Variants in VPS13C observed in about 807,000 individuals in gnomAD.
The protein encoded by VPS13C is vacuolar protein sorting 13 homolog C.
A neutral mutation model predicts 456.8 loss-of-function variants in VPS13C; 358 were observed. That is an observed-to-expected ratio of 0.78 (90% CI 0.72 to 0.86). The LOEUF is 0.86. VPS13C is among the 40% of genes least tolerant of loss of function. The probability of loss-of-function intolerance (pLI) is 0.00; values close to 1 mark genes in which losing one functional copy is unlikely to be tolerated. For synonymous variants in VPS13C, 1,578 were observed against 1,486.7 expected, an observed-to-expected ratio of 1.06 and a Z score of -1.41; for missense variants, 4,818 against 4,385.4, an observed-to-expected ratio of 1.10 and a Z score of -2.79.
chr15:61,968,816 G>A (rs562417122), intron 28 of VPS13C, among the ~76,000 whole-genome samples: 1 of 151,968 alleles, frequency 6.6e-6, no homozygotes, highest in Non-Finnish European at 1.5e-5. Flanking sequence ...AAAGAACAAG[G>A]CCTTCAATAA....
chr15:61,987,931 G>A lies in VPS13C; in HGVS notation c.1579-2932C>T, dbSNP rs903114157. 2.6e-5 allele frequency among the ~76,000 whole-genome samples: 4 copies of A among 152,056 alleles called. No homozygotes were observed. The East Asian group carries it at 7.7e-4, about 29-fold the overall frequency. On this transcript the variant is annotated intron_variant, in intron 18 of 84. Transcript: ENST00000644861. Reference sequence around the variant, plus strand: ...ATATCTCCACCAAAGACTTGTACAAGTATGTTCATAGCAGTGTTATCTGTA... The same window carrying A: ...ATATCTCCACCAAAGACTTGTACAAATATGTTCATAGCAGTGTTATCTGTA...
At chr15:62,041,199 C>G in intron 3 of VPS13C, 125 bp downstream of exon 3, 2 of 889,660 alleles carry the variant, frequency 2.2e-6, no homozygotes, top group Non-Finnish European at 3.5e-6. Flanking sequence ...TCTACGAGCT[C>G]TAATTAATGA....
At chr15:61,866,623 T>A (rs1417167819) in intron 81 of VPS13C, 1 of 985,064 alleles carries the variant, frequency 1.0e-6, no homozygotes, top group African/African-American at 1.7e-5. Flanking sequence ...GTGACATTTT[T>A]GCCAATGCTA....
intron 9 of VPS13C, among the ~76,000 whole-genome samples, chr15:62,019,635 T>C (rs1471061318): frequency 6.6e-6 from 1 of 152,152 alleles, no homozygotes; most frequent in African/African-American, 2.4e-5. Flanking sequence ...CTAGTTTGAT[T>C]GCACTGTGGT....
intron 2 of VPS13C, among the ~76,000 whole-genome samples, chr15:62,042,785 A>T (rs1353960744): frequency 2.6e-5 from 4 of 152,106 alleles, no homozygotes; most frequent in African/African-American, 9.7e-5. Context: ...TACAGGGGGA[A>T]GGGATAGCAT....
At chr15:62,013,267 G>T in intron 10 of VPS13C, 148 bp from the exon 11 acceptor site, 1 of 514,470 alleles carries the variant, frequency 1.9e-6, no homozygotes, top group South Asian at 3.8e-5. Context: ...AAAAATGAGG[G>T]GAAAATATAT....
intron 66 of VPS13C, among the ~76,000 whole-genome samples, chr15:61,902,110 TGTG>T (rs1436305281): frequency 1.2e-5 from 1 of 83,416 alleles, no homozygotes; most frequent in African/African-American, 5.0e-5. Flanking sequence ...TGGGGACTGT[TGTG>T]GGGTGGGGGG....
In VPS13C at chr15:61,953,540, C is replaced by A. The variant is rs559181805; in HGVS notation, c.4299+881G>T. Among the ~76,000 whole-genome samples, 12 of 152,110 alleles carry A rather than the reference C, an allele frequency of 7.9e-5. No individual in the cohort carries two copies. In the South Asian group the frequency reaches 2.5e-3, roughly 32 times the overall value. ...TACTGAGAATGATGATTTCCAATTT[C>A]ATCCATGTCCCTAAAAAGGACATGA... On this transcript the variant is annotated intron_variant, in intron 38 of 84. Transcript: ENST00000644861.
rs772808426 is a variant in VPS13C, at chr15:61,963,895, T to C, written c.3271A>G (p.Asn1091Asp). 6.2e-6 allele frequency: 10 copies of C among 1,612,558 alleles called. No individual in the cohort carries two copies. Among genetic ancestry groups the C allele is most frequent in the Admixed American group, 1.7e-5 (1 of 59,916 alleles). Residue 1091 changes from asparagine (N) to aspartate (D), a missense_variant, in exon 32 of 85, where the codon AAT becomes GAT. By Grantham distance (23) the Asn-to-Asp change is conservative. Coordinates refer to ENST00000644861, the MANE Select transcript of VPS13C (RefSeq NM_020821.3). ...TTGCAAACAATGACACAGAAAGCAT[T>C]CAACTTGGCAAATAGCCTGAAATCA... is the stretch of plus-strand genomic sequence containing the variant. ...IIDFRLFAKLNAFCVIVCNEK... is the reference protein window; with the variant it reads ...IIDFRLFAKLDAFCVIVCNEK...
At chr15:61,974,862 A>C (rs1322093486) in intron 24 of VPS13C, among the ~76,000 whole-genome samples, 2 of 152,112 alleles carry the variant, frequency 1.3e-5, no homozygotes, top group Admixed American at 1.3e-4. Context: ...CTCTGATTAA[A>C]ATGTCAGCTC....
At chr15:61,885,458 C>CA (rs982866986) in intron 67 of VPS13C, among the ~76,000 whole-genome samples, 1 of 152,050 alleles carries the variant, frequency 6.6e-6, no homozygotes, top group Non-Finnish European at 1.5e-5. Flanking sequence ...GCCCAGAACT[C>CA]AAAGAGTACA....
chr15:61,985,616 G>A (rs966140197), intron 18 of VPS13C, among the ~76,000 whole-genome samples: 1 of 152,272 alleles, frequency 6.6e-6, no homozygotes, highest in Non-Finnish European at 1.5e-5. Flanking sequence ...GTGGCATAAA[G>A]ATTCAATTCA....
Position 61,865,339 on chromosome 15 carries a change from G to A in VPS13C, c.10864-1811C>T, listed in dbSNP as rs931920495. ...ATAATTTAATGTCATGAATTAAGAC[G>A]AGATAAAAACACAATGTAATGTCAC... On this transcript the variant is annotated intron_variant, in intron 81 of 84. Coordinates refer to ENST00000644861, the MANE Select transcript of VPS13C (RefSeq NM_020821.3). The A allele has an allele frequency of 8.2e-6, 8 of 977,566 alleles. No homozygotes were observed. The East Asian group carries it at 3.4e-4, about 42-fold the overall frequency. 60.6% of individuals were successfully genotyped at this position (977,566 alleles called of 1,614,324 possible).
Position 62,020,417 on chromosome 15 carries a change from C to T in VPS13C, c.684+62G>A. 2.1e-6 allele frequency: 3 copies of T among 1,405,484 alleles called. No individual in the cohort carries two copies. The South Asian group carries it at 4.1e-5, about 19-fold the overall frequency. The allele number at this position is 1,405,484 out of a possible 1,614,324, so 87.1% of individuals were successfully genotyped here. A position where few individuals can be genotyped will look rare whatever the true frequency, so the allele number is the denominator to read the frequency against. ...GCATAGTTGATTCTAGACAATTTAC[C>T]CTGTGACTTCAGAATAATACTTTAC... On this transcript the variant is annotated intron_variant, in intron 9 of 84. Transcript: ENST00000644861.
At chr15:61,908,850 G>T in intron 65 of VPS13C, 142 bp downstream of exon 65, 1 of 920,008 alleles carries the variant, frequency 1.1e-6, no homozygotes, top group South Asian at 2.1e-5. Flanking sequence ...CTCAAAACAT[G>T]TAAGGGTATT....
chr15:62,020,276 T>TGTATTTGA (rs1351184980), intron 9 of VPS13C, among the ~76,000 whole-genome samples: 6 of 151,964 alleles, frequency 3.9e-5, no homozygotes, highest in African/African-American at 1.4e-4. Flanking sequence ...TTGATACCTG[T>TGTATTTGA]TACACAGAAA....
At chr15:61,874,783 T>C in intron 77 of VPS13C, 93 bp downstream of exon 77, 1 of 1,167,196 alleles carries the variant, frequency 8.6e-7, no homozygotes, top group Non-Finnish European at 1.2e-6. Context: ...TGATCCCTCC[T>C]TTATTAAATA....
intron 16 of VPS13C, among the ~76,000 whole-genome samples, chr15:61,996,844 G>C (rs1309004909): frequency 6.8e-6 from 1 of 146,806 alleles, no homozygotes; most frequent in Non-Finnish European, 1.5e-5. Flanking sequence ...AAAAAATGAT[G>C]AACAGAGCAC....
chr15:61,945,755 A>G lies in VPS13C; in HGVS notation c.5108T>C (p.Ile1703Thr), dbSNP rs781023840. 18 of 1,608,982 alleles carry G rather than the reference A, an allele frequency of 1.1e-5. No homozygotes were observed. The highest frequency in any genetic ancestry group is 1.4e-5 in the Non-Finnish European group (16 of 1,178,354). The change falls in exon 45 of 85, where the codon ATT becomes ACT. Residue 1703 changes from isoleucine (I) to threonine (T), a missense_variant. By Grantham distance (89) the Ile-to-Thr change is moderately conservative (BLOSUM62 -1). Around this residue, in one of 3 missense-constraint regions of VPS13C, gnomAD observed 4,552 missense variants for 4,130.6 expected, o/e 1.10. Transcript: ENST00000644861. ...DGKLSFKVGC[I>T]QIVYVHKFFM... ...GAATTTATGAACATAAACAATCTGA[A>G]TACAACCCACTTTAAAACTAAGTTT... is the stretch of plus-strand genomic sequence containing the variant.
Sources: allele counts gnomAD v4.1 joint callset (sites outside exome capture counted in the v4.1 genomes callset), GRCh38; gene constraint gnomAD v4.1.1; regional missense constraint gnomAD v4.1.1; transcripts MANE v1.5; gene names NCBI Gene and HGNC (gene_info 2026-07-23, HGNC 2026-07-21).